Variants in FSTL5 observed in about 807,000 individuals in gnomAD.
FSTL5 encodes the protein follistatin like 5.
FSTL5 carries 62 observed loss-of-function variants against 89.1 expected under a neutral mutation model. The ratio of observed to expected loss-of-function variants is 0.70; its 90% CI spans 0.57 to 0.86. The LOEUF (loss-of-function observed/expected upper bound fraction) is 0.86, where lower values mean the gene tolerates loss of function less well. FSTL5 is among the 40% of genes least tolerant of loss of function. FSTL5 has a pLI of 0.00. For missense variants in FSTL5, 1,057 were observed against 1,001.6 expected (o/e 1.06, Z -0.75); for synonymous variants, 383 against 346.2 (o/e 1.11, Z -1.18).
chr4:161,581,505 C>G (rs962776894), intron 8 of FSTL5, among the ~76,000 whole-genome samples: 1 of 152,190 alleles, frequency 6.6e-6, no homozygotes, highest in Non-Finnish European at 1.5e-5. Context: ...CCAGTGTTCC[C>G]TATGACCAAA....
chr4:162,144,367 A>T (rs954434517), intron 1 of FSTL5, among the ~76,000 whole-genome samples: 1 of 152,156 alleles, frequency 6.6e-6, no homozygotes, highest in Non-Finnish European at 1.5e-5. Context: ...ATTTTAATGC[A>T]CTAAGAGGAT....
At chr4:161,542,291 TTTAC>T (rs1408474159) in intron 9 of FSTL5, among the ~76,000 whole-genome samples, 1 of 151,990 alleles carries the variant, frequency 6.6e-6, no homozygotes, top group African/African-American at 2.4e-5. Flanking sequence ...AATTTAATAT[TTTAC>T]TTATCACCAA....
intron 4 of FSTL5, among the ~76,000 whole-genome samples, chr4:161,843,523 T>C (rs1468041718): frequency 6.6e-6 from 1 of 151,970 alleles, no homozygotes; most frequent in Non-Finnish European, 1.5e-5. Context: ...TTGTAGCAAT[T>C]GTGAATGGGA....
intron 1 of FSTL5, among the ~76,000 whole-genome samples, chr4:162,141,538 A>G (rs1209956970): frequency 1.3e-5 from 2 of 152,150 alleles, no homozygotes; most frequent in African/African-American, 4.8e-5. Flanking sequence ...TGCTTCTTGT[A>G]CAGCCTGTAG....
At chr4:161,672,404 A>G (rs925470562) in intron 6 of FSTL5, among the ~76,000 whole-genome samples, 8 of 152,150 alleles carry the variant, frequency 5.3e-5, no homozygotes, top group African/African-American at 1.9e-4. Flanking sequence ...TCTGTGTGAG[A>G]GCACAGGAGC....
chr4:162,141,441 T>C (rs1310520972), intron 1 of FSTL5, among the ~76,000 whole-genome samples: 1 of 152,088 alleles, frequency 6.6e-6, no homozygotes, highest in African/African-American at 2.4e-5. Flanking sequence ...GTCCCTCTTT[T>C]GCTATGTGAT....
At chr4:161,505,663 T>G (rs149412994) in intron 11 of FSTL5, among the ~76,000 whole-genome samples, 3 of 152,288 alleles carry the variant, frequency 2.0e-5, no homozygotes, top group Non-Finnish European at 4.4e-5. Flanking sequence ...TTGGTTGAAA[T>G]CATACATAAT....
At chr4:161,863,615 C>G (rs1325928997) in intron 4 of FSTL5, among the ~76,000 whole-genome samples, 1 of 152,154 alleles carries the variant, frequency 6.6e-6, no homozygotes, top group Non-Finnish European at 1.5e-5. Flanking sequence ...TTTTCCAATT[C>G]CTGGTTTCCA....
At chr4:161,675,310 A>G (rs1194947560) in intron 6 of FSTL5, among the ~76,000 whole-genome samples, 1 of 151,858 alleles carries the variant, frequency 6.6e-6, no homozygotes, top group Non-Finnish European at 1.5e-5. Context: ...AAAAACTGTA[A>G]CATCATATTT....
chr4:161,740,081 A>G (rs189032832), intron 6 of FSTL5, among the ~76,000 whole-genome samples: 1,533 of 151,924 alleles, frequency 0.01, 26 homozygotes, highest in African/African-American at 0.034. Flanking sequence ...GTGCAATGGC[A>G]CAATCTCAGC....
chr4:161,618,798 C>A (rs913181729), intron 7 of FSTL5, among the ~76,000 whole-genome samples: 4 of 152,082 alleles, frequency 2.6e-5, no homozygotes, highest in East Asian at 1.9e-4. Context: ...CCATCCCCAT[C>A]AAGCTACCAA....
intron 6 of FSTL5, among the ~76,000 whole-genome samples, chr4:161,708,859 T>A (rs1039424822): frequency 1.3e-5 from 2 of 152,194 alleles, no homozygotes; most frequent in African/African-American, 2.4e-5. Flanking sequence ...TCTAAAAACA[T>A]TTTTCATATG....
At chr4:161,775,698 A>C (rs1425110773) in intron 5 of FSTL5, among the ~76,000 whole-genome samples, 180 bp downstream of exon 5, 1 of 152,084 alleles carries the variant, frequency 6.6e-6, no homozygotes, top group East Asian at 1.9e-4. Context: ...TATAAATGTT[A>C]CTTGAAATTA....
chr4:161,579,685 C>T (rs9992512), intron 8 of FSTL5, among the ~76,000 whole-genome samples: 1,498 of 148,822 alleles, frequency 0.01, 31 homozygotes, highest in African/African-American at 0.035. Context: ...CCATTGCACT[C>T]CAGCCTGGGC....
At chr4:161,470,200 C>A (rs962942678) in intron 13 of FSTL5, among the ~76,000 whole-genome samples, 4 of 151,940 alleles carry the variant, frequency 2.6e-5, no homozygotes, top group Admixed American at 2.6e-4. Flanking sequence ...AAATTTTTTG[C>A]TCTTTCGTCT....
intron 10 of FSTL5, among the ~76,000 whole-genome samples, chr4:161,521,073 G>A (rs1731003570): frequency 6.6e-6 from 1 of 152,114 alleles, no homozygotes; most frequent in Admixed American, 6.5e-5. Flanking sequence ...GCATTAATGG[G>A]GAGGGATGGC....
chr4:161,386,448 A>G lies in FSTL5; in HGVS notation c.1843T>C (p.Phe615Leu), dbSNP rs1578933990. ...TTTLIITHMR[F>L]GFILHKDEAA... ...TCATCTTTATGAAGAATAAATCCAAACCTGAAAAAAATGAAAATCAGAGTT... is the reference window on the plus strand; with the variant it reads ...TCATCTTTATGAAGAATAAATCCAAGCCTGAAAAAAATGAAAATCAGAGTT... Residue 615 changes from phenylalanine to leucine, a missense_variant and splice_region_variant, in exon 16 of 16, where the codon TTT becomes CTT. Around this residue, in one of 3 missense-constraint regions of FSTL5, gnomAD observed 980 missense variants for 903.2 expected, o/e 1.08. Transcript: ENST00000306100. 1.9e-6 allele frequency: 3 copies of G among 1,591,620 alleles called. No individual in the cohort carries two copies. Among genetic ancestry groups the G allele is most frequent in the Middle Eastern group, 3.7e-4 (2 of 5,422 alleles).
At chr4:161,639,268 A>C (rs890369722) in intron 7 of FSTL5, among the ~76,000 whole-genome samples, 2 of 152,166 alleles carry the variant, frequency 1.3e-5, no homozygotes, top group Non-Finnish European at 2.9e-5. Context: ...ACTGTAATTA[A>C]AGGGTAATGA....
At chr4:161,478,890 A>G (rs1378582372) in intron 13 of FSTL5, among the ~76,000 whole-genome samples, 2 of 152,096 alleles carry the variant, frequency 1.3e-5, no homozygotes, top group African/African-American at 4.8e-5. Flanking sequence ...AACAGCTACA[A>G]ACAAAATGAT....
Sources: allele counts gnomAD v4.1 joint callset (sites outside exome capture counted in the v4.1 genomes callset), GRCh38; gene constraint gnomAD v4.1.1; regional missense constraint gnomAD v4.1.1; transcripts MANE v1.5; gene names NCBI Gene and HGNC (gene_info 2026-07-23, HGNC 2026-07-21).